The following DIXDC1 variants were observed in gnomAD, a reference collection of about 807,000 sequenced individuals.
DIXDC1 encodes the protein DIX domain containing 1, also known as dixin.
Under a neutral mutation model 103.1 loss-of-function variants are expected in DIXDC1, and 64 were observed. The ratio of observed to expected loss-of-function variants is 0.62; its 90% CI spans 0.51 to 0.76. DIXDC1 has a LOEUF of 0.76. DIXDC1 is among the 30% of genes least tolerant of loss of function. DIXDC1 has a pLI of 0.00. For missense variants in DIXDC1, 759 were observed against 834.2 expected, an observed-to-expected ratio of 0.91 and a Z score of 1.11; for synonymous variants, 266 against 298.5, an observed-to-expected ratio of 0.89 and a Z score of 1.12.
At position 111,974,163 on chromosome 11, in the gene DIXDC1, A is replaced by G. The variant is rs782705150; in HGVS notation, c.457A>G (p.Thr153Ala). ...PLQSHRPHCA[T>A]AVAQGAAAAL... ...GCAAAGTCACCGACCACACTGTGCCACTGCTGTTGCCCAGGGAGCAGCTGC... is the reference window on the plus strand; with the variant it reads ...GCAAAGTCACCGACCACACTGTGCCGCTGCTGTTGCCCAGGGAGCAGCTGC... The change falls in exon 4 of 20, where the codon ACT becomes GCT. Residue 153 changes from threonine to alanine, a missense_variant. Transcript: ENST00000440460. The G allele has an allele frequency of 6.2e-7, 1 of 1,613,914 alleles. No homozygotes were observed.
intron 1 of DIXDC1, among the ~76,000 whole-genome samples, chr11:111,947,345 A>G (rs1386158780): frequency 1.3e-5 from 2 of 152,250 alleles, no homozygotes; most frequent in Non-Finnish European, 2.9e-5. Context: ...TGTAAAAGGC[A>G]TATGGTATTT....
chr11:111,985,444 CCTA>C, intron 8 of DIXDC1, 123 bp downstream of exon 8: 1 of 760,910 alleles, frequency 1.3e-6, no homozygotes, highest in Non-Finnish European at 2.1e-6. Context: ...TGGTTTTCCT[CCTA>C]CATTTTTGAC....
At chr11:112,013,156 G>A (rs73561936) in intron 17 of DIXDC1, among the ~76,000 whole-genome samples, 7,850 of 152,122 alleles carry the variant, frequency 0.052, 563 homozygotes, top group African/African-American at 0.16. Context: ...GTCCTCACAT[G>A]GGGGAGAGAA....
In DIXDC1 at chr11:111,987,883, C is replaced by T. The variant is rs115402374; in HGVS notation, c.1062+959C>T. Among the ~76,000 whole-genome samples the T allele has an allele frequency of 4.2e-3, 641 of 152,024 alleles. 3 individuals are homozygous for T. Among genetic ancestry groups the T allele is most frequent in the African/African-American group, 0.014 (598 of 41,444 alleles). On this transcript the variant is annotated intron_variant, in intron 9 of 19. Transcript: ENST00000440460. ...CTATGTTGGCCAGGCTTGTCTTGAA[C>T]GGCTGACTTCGTGGTCCGCCTGCCT...
rs115052354 is a variant in DIXDC1, at chr11:112,012,486, A to G, written c.1757-4205A>G. On this transcript the variant is annotated intron_variant, in intron 17 of 19. Transcript: ENST00000440460. ...GGATAGGCTTTTCAAAAACGGTGCT[A>G]GAAAAGTTAAAGATCTATTTTTTTA... Among the ~76,000 whole-genome samples, 1,383 of 152,348 alleles carry G rather than the reference A, an allele frequency of 9.1e-3. 18 individuals are homozygous for G. The highest frequency in any genetic ancestry group is 0.031 in the African/African-American group (1,274 of 41,584).
At chr11:112,012,721 C>T (rs1555177325) in intron 17 of DIXDC1, among the ~76,000 whole-genome samples, 1 of 152,178 alleles carries the variant, frequency 6.6e-6, no homozygotes, top group Non-Finnish European at 1.5e-5. Context: ...TGCCATAATA[C>T]TGTAATAACT....
chr11:111,980,673 T>C (rs1277139170), intron 5 of DIXDC1, 64 bp from the exon 6 acceptor site: 4 of 1,369,336 alleles, frequency 2.9e-6, no homozygotes, highest in African/African-American at 2.9e-5. Context: ...GAATAAATTA[T>C]GAAAGCTGCT....
chr11:111,974,798 G>T (rs782581620), intron 4 of DIXDC1, 78 bp from the exon 5 acceptor site: 492 of 1,560,866 alleles, frequency 3.2e-4, no homozygotes, highest in Non-Finnish European at 4.0e-4. Context: ...TCGCAGAGTG[G>T]CAGTCTCTCT....
chr11:111,995,192 C>T, intron 15 of DIXDC1, 84 bp downstream of exon 15: 2 of 1,424,142 alleles, frequency 1.4e-6, no homozygotes, highest in Non-Finnish European at 1.9e-6. Context: ...TGGATGAGGC[C>T]TTTTATATTC....
chr11:111,931,454 C>T (rs1966013973), intron 2 of DIXDC1, among the ~76,000 whole-genome samples: 1 of 151,980 alleles, frequency 6.6e-6, no homozygotes, highest in Non-Finnish European at 1.5e-5. Context: ...ACCAGCCTGG[C>T]CAACATAGTG....
intron 17 of DIXDC1, among the ~76,000 whole-genome samples, chr11:112,002,017 A>G (rs1861083714): frequency 6.6e-6 from 1 of 152,080 alleles, no homozygotes; most frequent in Admixed American, 6.5e-5. Context: ...TCGGCCTCCC[A>G]AAGTGTTGGG....
chr11:111,987,425 G>A (rs1242039944), intron 9 of DIXDC1, among the ~76,000 whole-genome samples: 2 of 151,980 alleles, frequency 1.3e-5, no homozygotes, highest in African/African-American at 4.8e-5. Context: ...TAGAATTTCG[G>A]TGTCATTATT....
chr11:111,983,937 G>T (rs1185464159), intron 7 of DIXDC1, among the ~76,000 whole-genome samples: 1 of 152,152 alleles, frequency 6.6e-6, no homozygotes, highest in South Asian at 2.1e-4. Flanking sequence ...TGACTTATTA[G>T]TATTCCTTAG....
intron 2 of DIXDC1, among the ~76,000 whole-genome samples, chr11:111,931,419 G>A (rs1427533015): frequency 6.6e-6 from 1 of 152,114 alleles, no homozygotes; most frequent in South Asian, 2.1e-4. Flanking sequence ...GGAGGCTGAG[G>A]GGGGTGGATC....
intron 1 of DIXDC1, 59 bp downstream of exon 1, chr11:111,937,618 C>T (rs936460530): frequency 4.0e-6 from 6 of 1,518,534 alleles, no homozygotes; most frequent in East Asian, 2.4e-5. Context: ...CCCGCCCAGT[C>T]TCCGGAAGGG....
intron 1 of DIXDC1, among the ~76,000 whole-genome samples, chr11:111,941,082 T>C (rs1966401577): frequency 6.6e-6 from 1 of 152,106 alleles, no homozygotes; most frequent in Admixed American, 6.5e-5. Context: ...ACGTGACTGG[T>C]GACCGCACTC....
Position 112,005,715 on chromosome 11 carries a change from G to A in DIXDC1, c.1756+9569G>A, listed in dbSNP as rs114843349. Reference sequence around the variant, plus strand: ...ACAGAGTGAGACACTGTCCTCTCCCGTCCCCCCCTCAAAAAATACATGAAA... The same window carrying A: ...ACAGAGTGAGACACTGTCCTCTCCCATCCCCCCCTCAAAAAATACATGAAA... On this transcript the variant is annotated intron_variant, in intron 17 of 19. Transcript: ENST00000440460. Among the ~76,000 whole-genome samples, 814 of 152,096 alleles carry A rather than the reference G, an allele frequency of 5.4e-3. 5 individuals carry two copies. Among genetic ancestry groups the A allele is most frequent in the African/African-American group, 0.014 (579 of 41,494 alleles).
At chr11:112,016,897 C>A in intron 18 of DIXDC1, 101 bp downstream of exon 18, 1 of 982,648 alleles carries the variant, frequency 1.0e-6, no homozygotes, top group Middle Eastern at 2.2e-4. Flanking sequence ...GTTTGAGAAG[C>A]AGTATAGTGA....
intron 2 of DIXDC1, among the ~76,000 whole-genome samples, chr11:111,930,355 C>G (rs1555167544): frequency 6.6e-6 from 1 of 152,134 alleles, no homozygotes. Context: ...TCTCAGCTCA[C>G]TGCAACCTCT....
Sources: gnomAD v4.1 joint callset for allele counts (sites outside exome capture counted in the v4.1 genomes callset) on GRCh38, gnomAD v4.1.1 for gene constraint, MANE v1.5 for transcripts, NCBI Gene and HGNC (gene_info 2026-07-23, HGNC 2026-07-21) for gene names.